EXOC6: variants seen among roughly 807,000 people sequenced by gnomAD.
The protein encoded by EXOC6 is exocyst complex component 6, also known as SEC15-like 1.
In EXOC6, 60 loss-of-function variants were observed where a neutral mutation model predicts 112.5. The ratio of observed to expected loss-of-function variants is 0.53; its 90% CI spans 0.43 to 0.66. EXOC6 has a LOEUF of 0.66. EXOC6 is among the 30% of genes least tolerant of loss of function. EXOC6 has a pLI of 0.00. For missense variants in EXOC6, 855 were observed against 957.1 expected (o/e 0.89, Z 1.41); for synonymous variants, 295 against 308.0 (o/e 0.96, Z 0.44).
intron 13 of EXOC6, among the ~76,000 whole-genome samples, chr10:92,944,118 A>G (rs1308653103): frequency 6.6e-6 from 1 of 151,972 alleles, no homozygotes; most frequent in Non-Finnish European, 1.5e-5. Context: ...TCCATTGTGT[A>G]TATGCACTTT....
At chr10:92,910,698 G>C (rs1850698319) in intron 6 of EXOC6, among the ~76,000 whole-genome samples, 2 of 152,162 alleles carry the variant, frequency 1.3e-5, no homozygotes, top group Admixed American at 1.3e-4. Flanking sequence ...TGGGAGGCAA[G>C]GCGGGCAGAT....
chr10:92,919,435 T>A (rs1325327579), intron 7 of EXOC6, among the ~76,000 whole-genome samples: 2 of 150,604 alleles, frequency 1.3e-5, no homozygotes, highest in South Asian at 2.1e-4. Flanking sequence ...TTGTAAGGCA[T>A]TTTTTTTTCC....
In EXOC6 at chr10:92,842,036, CA is replaced by C. The variant is rs541658192; in HGVS notation, c.86+7222del. ...TTAGTGAAAAGAGCCAGAAATACACCAAAAAAAAAAGTGTTAATAAGTGCTA... is the reference window on the plus strand; with the variant it reads ...TTAGTGAAAAGAGCCAGAAATACACCAAAAAAAAAGTGTTAATAAGTGCTA... On this transcript the variant is annotated intron_variant, in intron 1 of 21. Transcript: ENST00000371552. Among the ~76,000 whole-genome samples, 1,347 of 145,268 alleles carry C rather than the reference CA, an allele frequency of 9.3e-3. 10 individuals are homozygous for C. Among genetic ancestry groups the C allele is most frequent in the Non-Finnish European group, 0.013 (843 of 66,160 alleles).
intron 1 of EXOC6, among the ~76,000 whole-genome samples, chr10:92,870,998 A>G (rs1178502096): frequency 6.6e-6 from 1 of 152,106 alleles, no homozygotes; most frequent in Middle Eastern, 3.4e-3. Flanking sequence ...GTGAGCCACC[A>G]TGCCCAGCTG....
intron 6 of EXOC6, among the ~76,000 whole-genome samples, chr10:92,910,803 C>T (rs6583848): frequency 0.73 from 110,461 of 151,878 alleles, 40,755 homozygotes; most frequent in East Asian, 0.85. Flanking sequence ...GTGGCGGGCA[C>T]CTGTAGTCCC....
At chr10:92,848,747 G>C in intron 1 of EXOC6, 113 bp downstream of exon 1, 8 of 854,288 alleles carry the variant, frequency 9.4e-6, no homozygotes, top group Non-Finnish European at 1.2e-5. Context: ...GACAGGTGGT[G>C]CGCGCGGGGG....
At chr10:93,014,384 G>A in intron 20 of EXOC6, 117 bp downstream of exon 20, 2 of 754,488 alleles carry the variant, frequency 2.7e-6, no homozygotes, top group South Asian at 3.3e-5. Flanking sequence ...CCTATCTTAA[G>A]AAAAATCCTT....
chr10:92,826,884 C>T (rs1478838320), exon 1 of EXOC6, among the ~76,000 whole-genome samples: 3 of 152,130 alleles, frequency 2.0e-5, no homozygotes, highest in Admixed American at 2.0e-4. Context: ...TGAGGTGGAG[C>T]ATGCCTGGTA....
chr10:92,940,486 A>G (rs886595500), intron 12 of EXOC6, among the ~76,000 whole-genome samples: 3 of 152,194 alleles, frequency 2.0e-5, no homozygotes, highest in African/African-American at 7.2e-5. Context: ...TGTAATCATT[A>G]CTAAAAAGAG....
rs980764684 is a variant in EXOC6, at chr10:92,948,161, A to G, written c.1311-113A>G. The G allele has an allele frequency of 6.6e-6, 4 of 604,938 alleles. No individual in the cohort carries two copies. The Admixed American group carries it at 1.1e-4, about 16-fold the overall frequency. 37.5% of individuals were successfully genotyped at this position (604,938 alleles called of 1,614,324 possible). ...CAGTATCTTCCTGTTTGGACCTTTA[A>G]TAGACAAGTAAAAACTGCTTTTGTA... On this transcript the variant is annotated intron_variant, in intron 13 of 21. Transcript: ENST00000260762.
At chr10:92,833,438 C>T (rs1220398142), upstream of EXOC6, among the ~76,000 whole-genome samples, 3 of 152,176 alleles carry the variant, frequency 2.0e-5, no homozygotes, top group Admixed American at 6.5e-5. Context: ...GCTCAGAACT[C>T]ACATGCTGTT....
At chr10:92,879,448 C>A (rs1848841009) in intron 1 of EXOC6, among the ~76,000 whole-genome samples, 1 of 152,094 alleles carries the variant, frequency 6.6e-6, no homozygotes, top group African/African-American at 2.4e-5. Flanking sequence ...GCCTGGGAAA[C>A]AGAGTGAGAC....
chr10:93,028,789 G>A (rs1252091507), intron 20 of EXOC6, among the ~76,000 whole-genome samples: 5 of 147,112 alleles, frequency 3.4e-5, no homozygotes, highest in African/African-American at 2.5e-5. Context: ...AGCTGAGATC[G>A]TGCCATTGCA....
At chr10:93,021,628 T>G (rs1844798658) in intron 20 of EXOC6, among the ~76,000 whole-genome samples, 1 of 152,224 alleles carries the variant, frequency 6.6e-6, no homozygotes, top group African/African-American at 2.4e-5. Context: ...GATGTACTAT[T>G]GAAAACAGGA....
intron 19 of EXOC6, among the ~76,000 whole-genome samples, chr10:93,007,440 C>T (rs1844045116): frequency 6.6e-6 from 1 of 152,068 alleles, no homozygotes; most frequent in Non-Finnish European, 1.5e-5. Flanking sequence ...CACCTGAGGT[C>T]AGGCGTTCAA....
intron 18 of EXOC6, among the ~76,000 whole-genome samples, chr10:92,975,645 C>T (rs1168590876): frequency 7.6e-6 from 1 of 132,204 alleles, no homozygotes; most frequent in Admixed American, 7.2e-5. Flanking sequence ...CGGCCAGCCA[C>T]CCCGTCCGGG....
chr10:93,010,472 G>T (rs944521433), intron 19 of EXOC6, among the ~76,000 whole-genome samples: 6 of 152,134 alleles, frequency 3.9e-5, no homozygotes, highest in Non-Finnish European at 8.8e-5. Flanking sequence ...GGGAGACCGA[G>T]GCAGATCACT....
intron 18 of EXOC6, among the ~76,000 whole-genome samples, chr10:92,989,741 T>C (rs762450198): frequency 2.0e-5 from 3 of 152,234 alleles, no homozygotes; most frequent in Non-Finnish European, 2.9e-5. Context: ...AGAAGTGATA[T>C]TCAGAAGTAA....
rs372715574 is a variant in EXOC6 at position 92,940,408 on chromosome 10, GT to G, written c.1213-317del. Among the ~76,000 whole-genome samples the G allele has an allele frequency of 1.4e-4, 21 of 152,178 alleles. No individual in the cohort carries two copies. In the East Asian group the frequency reaches 3.9e-3, roughly 28 times the overall value. On this transcript the variant is annotated intron_variant, in intron 12 of 21. Coordinates refer to ENST00000260762, the MANE Select transcript of EXOC6 (RefSeq NM_019053.6). The stretch of plus-strand genomic sequence containing the variant: ...CTTGGGCACCACTTCCCAAGACACT[GT>G]TATGTAAAAACTTATCTTGAATTTT...
Sources: gnomAD v4.1 joint callset for allele counts (sites outside exome capture counted in the v4.1 genomes callset) on GRCh38, gnomAD v4.1.1 for gene constraint, MANE v1.5 for transcripts, NCBI Gene and HGNC (gene_info 2026-07-23, HGNC 2026-07-21) for gene names.